Variants in CDH13 observed in about 807,000 individuals in gnomAD.
CDH13 encodes the protein cadherin-13.
A neutral mutation model predicts 63.8 loss-of-function variants in CDH13; 24 were observed. The ratio of observed to expected loss-of-function variants is 0.38; its 90% CI spans 0.27 to 0.53. CDH13 has a LOEUF of 0.53. Ranked by LOEUF, CDH13 falls within the 20% of genes least tolerant of loss-of-function variation. The pLI is 0.85. For synonymous variants in CDH13, 503 were observed against 355.3 expected, an observed-to-expected ratio of 1.42 and a Z score of -4.67; for missense variants, 1,049 against 903.1, an observed-to-expected ratio of 1.16 and a Z score of -2.07.
chr16:83,393,136 G>C (rs1000613829), intron 6 of CDH13, among the ~76,000 whole-genome samples: 2 of 152,180 alleles, frequency 1.3e-5, no homozygotes, highest in African/African-American at 4.8e-5. Context: ...GTGTCCCCAA[G>C]GATACATCTG....
At chr16:83,352,759 A>C (rs1481540897) in intron 6 of CDH13, among the ~76,000 whole-genome samples, 4 of 152,166 alleles carry the variant, frequency 2.6e-5, no homozygotes, top group Admixed American at 1.3e-4. Flanking sequence ...GTGCTGTGGC[A>C]GGCACCTGTA....
intron 6 of CDH13, among the ~76,000 whole-genome samples, chr16:83,387,669 G>T (rs995837596): frequency 2.6e-5 from 4 of 152,178 alleles, no homozygotes; most frequent in Non-Finnish European, 4.4e-5. Flanking sequence ...TAGAAGTTTA[G>T]CTCAGGGCAA....
intron 1 of CDH13, among the ~76,000 whole-genome samples, chr16:82,676,575 C>T (rs1366018222): frequency 7.1e-6 from 1 of 140,710 alleles, no homozygotes; most frequent in African/African-American, 2.6e-5. Flanking sequence ...TCCAATCTTT[C>T]TCTTCTCCCC....
At chr16:82,969,347 G>A (rs1908345678) in intron 2 of CDH13, among the ~76,000 whole-genome samples, 1 of 152,012 alleles carries the variant, frequency 6.6e-6, no homozygotes, top group Non-Finnish European at 1.5e-5. Context: ...CATATAAATA[G>A]ACGTGGGGCT....
At chr16:83,238,740 T>TTTTGTTTG (rs112488110) in intron 5 of CDH13, among the ~76,000 whole-genome samples, 3 of 150,662 alleles carry the variant, frequency 2.0e-5, no homozygotes, top group African/African-American at 7.3e-5. Context: ...ATATGTGTTT[T>TTTTGTTTG]TTTGTTTGTT....
At chr16:83,680,087 G>T (rs956630889) in intron 10 of CDH13, among the ~76,000 whole-genome samples, 1 of 152,226 alleles carries the variant, frequency 6.6e-6, no homozygotes, top group East Asian at 1.9e-4. Flanking sequence ...TACTATATAC[G>T]ATGGAGGAAT....
At chr16:83,740,365 A>G (rs1450342847) in intron 10 of CDH13, among the ~76,000 whole-genome samples, 1 of 151,926 alleles carries the variant, frequency 6.6e-6, no homozygotes, top group Admixed American at 6.6e-5. Context: ...AGAAGCAAAG[A>G]ATCAGGTGCA....
At chr16:82,781,832 C>T (rs1300558005) in intron 1 of CDH13, among the ~76,000 whole-genome samples, 1 of 152,166 alleles carries the variant, frequency 6.6e-6, no homozygotes, top group Non-Finnish European at 1.5e-5. Flanking sequence ...AGCTTAGGAT[C>T]TAGTACGGGA....
intron 8 of CDH13, among the ~76,000 whole-genome samples, chr16:83,608,096 T>C (rs143432793): frequency 0.027 from 4,047 of 152,348 alleles, 76 homozygotes; most frequent in East Asian, 0.052. Context: ...TCAAATTTCA[T>C]TTTCCAGTTC....
At chr16:83,098,727 T>A (rs369219337) in intron 3 of CDH13, among the ~76,000 whole-genome samples, 23 of 152,240 alleles carry the variant, frequency 1.5e-4, no homozygotes, top group Admixed American at 3.3e-4. Flanking sequence ...CTGCTGTCAT[T>A]CTTCTCTTTT....
intron 5 of CDH13, among the ~76,000 whole-genome samples, chr16:83,284,663 T>C (rs2089264400): frequency 6.6e-6 from 1 of 152,012 alleles, no homozygotes; most frequent in Non-Finnish European, 1.5e-5. Context: ...ATATATTACA[T>C]AACATAACAT....
At chr16:83,279,518 C>T (rs978286958) in intron 5 of CDH13, among the ~76,000 whole-genome samples, 8 of 152,136 alleles carry the variant, frequency 5.3e-5, no homozygotes, top group African/African-American at 1.4e-4. Context: ...TTCTGGAAAC[C>T]GCTGCTAAAA....
chr16:82,728,577 G>T (rs1426778086), intron 1 of CDH13, among the ~76,000 whole-genome samples: 1 of 152,076 alleles, frequency 6.6e-6, no homozygotes, highest in East Asian at 1.9e-4. Flanking sequence ...TACAAAATAT[G>T]AATGATCATT....
At chr16:82,942,809 A>C (rs1448424637) in intron 2 of CDH13, among the ~76,000 whole-genome samples, 1 of 152,202 alleles carries the variant, frequency 6.6e-6, no homozygotes, top group Non-Finnish European at 1.5e-5. Flanking sequence ...ATTGGAACTC[A>C]GGTTTCCCAA....
chr16:83,604,986 A>G (rs921558721), intron 8 of CDH13, among the ~76,000 whole-genome samples: 1 of 152,246 alleles, frequency 6.6e-6, no homozygotes, highest in Admixed American at 6.5e-5. Context: ...AAGGTTAGCT[A>G]CCATTCCACA....
intron 5 of CDH13, among the ~76,000 whole-genome samples, chr16:83,228,173 G>T (rs901313839): frequency 6.6e-6 from 1 of 152,156 alleles, no homozygotes; most frequent in African/African-American, 2.4e-5. Flanking sequence ...GGATGCTTCA[G>T]TCCCCTAGCA....
intron 7 of CDH13, among the ~76,000 whole-genome samples, chr16:83,541,791 G>T (rs1035112206): frequency 2.6e-5 from 4 of 152,232 alleles, no homozygotes; most frequent in African/African-American, 9.6e-5. Context: ...ATAAGACTCT[G>T]CTCTACCACA....
At chr16:82,807,200 G>A (rs2037189618) in intron 1 of CDH13, among the ~76,000 whole-genome samples, 1 of 151,714 alleles carries the variant, frequency 6.6e-6, no homozygotes. Flanking sequence ...ATGCAATGCA[G>A]CAATTGGCCA....
At chr16:82,852,831 C>G (rs1220873035) in intron 1 of CDH13, among the ~76,000 whole-genome samples, 2 of 152,168 alleles carry the variant, frequency 1.3e-5, no homozygotes, top group Non-Finnish European at 2.9e-5. Context: ...TCTGGCTAAA[C>G]TAACCACATC....
Sources: allele counts gnomAD v4.1 joint callset (sites outside exome capture counted in the v4.1 genomes callset), GRCh38; gene constraint gnomAD v4.1.1; transcripts MANE v1.5; gene names NCBI Gene and HGNC (gene_info 2026-07-23, HGNC 2026-07-21).